Variants in POLH observed in about 807,000 individuals in gnomAD.
POLH encodes DNA polymerase eta transcript.
POLH carries 53 observed loss-of-function variants against 73.6 expected under a neutral mutation model. The observed-to-expected ratio is 0.72, with a 90% CI of 0.58 to 0.91. The LOEUF is 0.91. Ranked by LOEUF, POLH falls within the 40% of genes least tolerant of loss-of-function variation. The pLI is 0.00. For missense variants in POLH, 768 were observed against 865.4 expected, an observed-to-expected ratio of 0.89 and a Z score of 1.41; for synonymous variants, 292 against 308.5, an observed-to-expected ratio of 0.95 and a Z score of 0.56.
intron 6 of POLH, among the ~76,000 whole-genome samples, chr6:43,603,397 T>C (rs1582307262): frequency 6.6e-6 from 1 of 152,082 alleles, no homozygotes; most frequent in Non-Finnish European, 1.5e-5. Context: ...TCCCAAGTGC[T>C]AGGACTACAG....
In POLH at chr6:43,594,675, A is replaced by G. The variant is rs114464825; in HGVS notation, c.491-3021A>G. Among the ~76,000 whole-genome samples, 1,440 of 152,332 alleles carry G rather than the reference A, an allele frequency of 9.5e-3. 19 individuals are homozygous for G. The highest frequency in any genetic ancestry group is 0.033 in the African/African-American group (1,380 of 41,560). On this transcript the variant is annotated intron_variant, in intron 4 of 10. Coordinates refer to ENST00000372236, the MANE Select transcript of POLH (RefSeq NM_006502.3). ...TGAGCTGCACTCTAGCCTGGGCAAC[A>G]GAGCAACTCCGTCTCAAAAAAAATA...
chr6:43,617,527 TGAGGCAGGAGAATCACTTGAATCTGG>T lies in POLH; in HGVS notation c.*2978_*3003del, dbSNP rs1390776640. ...GTGTAATCCCAGCTACTTAGGAGGC[TGAGGCAGGAGAATCACTTGAATCTGG>T]GAGGCAGAGGTTGTAGTGAGCTGAG... On this transcript the variant is annotated 3_prime_UTR_variant, in exon 11 of 11. Coordinates refer to ENST00000372236, the MANE Select transcript of POLH (RefSeq NM_006502.3). 2.6e-5 allele frequency among the ~76,000 whole-genome samples: 4 copies of T among 152,062 alleles called. No homozygotes were observed. Among genetic ancestry groups the T allele is most frequent in the Non-Finnish European group, 4.4e-5 (3 of 68,012 alleles).
intron 1 of POLH, among the ~76,000 whole-genome samples, chr6:43,581,272 G>C (rs1764161614): frequency 6.7e-6 from 1 of 148,902 alleles, no homozygotes; most frequent in Non-Finnish European, 1.5e-5. Context: ...CGGGGCAGAG[G>C]CGCTCCCCAC....
At chr6:43,578,765 A>C (rs9333505) in intron 1 of POLH, among the ~76,000 whole-genome samples, 1 of 151,714 alleles carries the variant, frequency 6.6e-6, no homozygotes, top group Non-Finnish European at 1.5e-5. Context: ...CATGAATGCT[A>C]TGATGTTATA....
At chr6:43,582,550 CAG>C in intron 2 of POLH, 94 bp downstream of exon 2, 2 of 1,245,714 alleles carry the variant, frequency 1.6e-6, no homozygotes, top group South Asian at 1.2e-5. Flanking sequence ...GTGGTGGTGA[CAG>C]GGCCTTTCTC....
chr6:43,579,914 T>TA (rs147153180), intron 1 of POLH, among the ~76,000 whole-genome samples: 16 of 137,432 alleles, frequency 1.2e-4, no homozygotes, highest in Admixed American at 2.8e-4. Flanking sequence ...TTTTTTTTTT[T>TA]AAATTTATTT....
intron 10 of POLH, among the ~76,000 whole-genome samples, chr6:43,611,877 G>A (rs1227701238): frequency 1.3e-5 from 2 of 152,146 alleles, no homozygotes; most frequent in East Asian, 1.9e-4. Context: ...CCAACATGGT[G>A]AAACCCTGTC....
chr6:43,604,962 C>T (rs1767113413), intron 8 of POLH, among the ~76,000 whole-genome samples: 1 of 152,164 alleles, frequency 6.6e-6, no homozygotes, highest in South Asian at 2.1e-4. Context: ...TAGATGGAGA[C>T]TTGGAAAGCC....
chr6:43,607,025 G>A (rs987796611), intron 9 of POLH, among the ~76,000 whole-genome samples: 1 of 152,224 alleles, frequency 6.6e-6, no homozygotes, highest in Non-Finnish European at 1.5e-5. Flanking sequence ...CTGGCTTGAA[G>A]TCTTTCACTT....
intron 1 of POLH, among the ~76,000 whole-genome samples, chr6:43,576,670 AT>A (rs1763379662): frequency 6.6e-6 from 1 of 152,196 alleles, no homozygotes; most frequent in African/African-American, 2.4e-5. Flanking sequence ...TGGATGTATT[AT>A]TACCTGGTGG....
intron 1 of POLH, among the ~76,000 whole-genome samples, chr6:43,579,870 C>T (rs1027713973): frequency 6.7e-6 from 1 of 149,972 alleles, no homozygotes; most frequent in Non-Finnish European, 1.5e-5. Context: ...AGAAGTCTAC[C>T]TTATTGATTG....
chr6:43,619,519 TGAA>T lies in POLH; in HGVS notation c.*4966_*4968del, dbSNP rs1323209174. On this transcript the variant is annotated 3_prime_UTR_variant, in exon 11 of 11. Coordinates refer to ENST00000372236, the MANE Select transcript of POLH (RefSeq NM_006502.3). ...ATACTCATTGGATGAATGTATATAGTGAAGAATTTTAGATCTGATTACCACAAT... is the reference window on the plus strand; with the variant it reads ...ATACTCATTGGATGAATGTATATAGTGAATTTTAGATCTGATTACCACAAT... 1.3e-5 allele frequency among the ~76,000 whole-genome samples: 2 copies of T among 152,072 alleles called. No homozygotes were observed. Among genetic ancestry groups the T allele is most frequent in the Non-Finnish European group, 2.9e-5 (2 of 68,036 alleles).
Position 43,614,295 on chromosome 6 carries a change from T to A in POLH, c.1880T>A (p.Leu627Gln), listed in dbSNP as rs965822827. Residue 627 changes from leucine to glutamine, a missense_variant, in exon 11 of 11, where the codon CTA becomes CAA. Leu to Gln is a moderately radical substitution (Grantham distance 113). Coordinates refer to ENST00000372236, the MANE Select transcript of POLH (RefSeq NM_006502.3). Reference protein sequence around the residue: ...TQKATPNPSLLAAEDQVPCEK... With the variant: ...TQKATPNPSLQAAEDQVPCEK... ...AAAGCAACCCCAAATCCAAGTCTTCTAGCTGCTGAGGACCAAGTGCCCTGT... is the reference window on the plus strand; with the variant it reads ...AAAGCAACCCCAAATCCAAGTCTTCAAGCTGCTGAGGACCAAGTGCCCTGT... 2.5e-6 allele frequency: 4 copies of A among 1,599,386 alleles called. No individual in the cohort carries two copies. Among genetic ancestry groups the A allele is most frequent in the African/African-American group, 1.3e-5 (1 of 74,394 alleles).
At chr6:43,611,415 C>T (rs573943155) in intron 10 of POLH, among the ~76,000 whole-genome samples, 4 of 152,344 alleles carry the variant, frequency 2.6e-5, no homozygotes, top group East Asian at 1.9e-4. Flanking sequence ...ACAAGCTCCA[C>T]TGGTATTATA....
chr6:43,587,231 C>T (rs772438508), intron 3 of POLH, 41 bp from the exon 4 acceptor site: 1 of 1,468,040 alleles, frequency 6.8e-7, no homozygotes, highest in South Asian at 1.1e-5. Flanking sequence ...TCAAGGTTGC[C>T]TCTGTTTATT....
intron 1 of POLH, among the ~76,000 whole-genome samples, chr6:43,581,738 GC>G (rs1764267893): frequency 6.8e-6 from 1 of 147,974 alleles, no homozygotes; most frequent in Non-Finnish European, 1.5e-5. Flanking sequence ...GCTGGGGCCC[GC>G]GGGCGTCAGC....
intron 10 of POLH, 26 bp from the exon 11 acceptor site, chr6:43,613,634 A>G (rs1387655726): frequency 3.8e-6 from 6 of 1,581,918 alleles, no homozygotes; most frequent in Non-Finnish European, 4.3e-6. Flanking sequence ...ATTGCTAATC[A>G]TCTTATTTCT....
At position 43,614,805 on chromosome 6, in the gene POLH, TGTCATAAAGTA is replaced by T; in HGVS notation, c.*249_*259del. On this transcript the variant is annotated 3_prime_UTR_variant, in exon 11 of 11. Transcript: ENST00000372236. ...TAATCTTTAGCATTTAGGGAGGCAGTGTCATAAAGTAAAAAGTGTGTGGGCCTTGGAGTCTA... is the reference window on the plus strand; with the variant it reads ...TAATCTTTAGCATTTAGGGAGGCAGTAAAAGTGTGTGGGCCTTGGAGTCTA... The T allele has an allele frequency of 6.2e-6, 3 of 480,390 alleles. No individual in the cohort carries two copies. Among genetic ancestry groups the T allele is most frequent in the Non-Finnish European group, 1.1e-5 (3 of 272,198 alleles). 29.8% of individuals were successfully genotyped at this position (480,390 alleles called of 1,614,324 possible).
At chr6:43,600,429 A>AAG (rs1561907609) in intron 5 of POLH, among the ~76,000 whole-genome samples, 2 of 151,904 alleles carry the variant, frequency 1.3e-5, no homozygotes, top group African/African-American at 4.9e-5. Context: ...AAAAAAAAAA[A>AAG]AGTTCTCAAG....
Sources: allele counts gnomAD v4.1 joint callset (sites outside exome capture counted in the v4.1 genomes callset), GRCh38; gene constraint gnomAD v4.1.1; transcripts MANE v1.5; gene names NCBI Gene and HGNC (gene_info 2026-07-23, HGNC 2026-07-21).